Variants in NUP210L observed in about 807,000 individuals in gnomAD.
The protein encoded by NUP210L is nucleoporin 210 like, also known as nuclear pore membrane glycoprotein 210-like.
NUP210L carries 74 observed loss-of-function variants against 208.5 expected under a neutral mutation model. The ratio of observed to expected loss-of-function variants is 0.35; its 90% CI spans 0.29 to 0.43. The LOEUF (loss-of-function observed/expected upper bound fraction) is 0.43, where lower values mean the gene tolerates loss of function less well. Among genes scored for constraint, NUP210L ranks in the 20% least tolerant of loss-of-function variants. NUP210L has a pLI of 1.00. For synonymous variants in NUP210L, 780 were observed against 816.9 expected, an observed-to-expected ratio of 0.95 and a Z score of 0.77; for missense variants, 1,843 against 2,289.4, an observed-to-expected ratio of 0.81 and a Z score of 3.98.
At chr1:154,080,480 G>A (rs1444398277) in intron 16 of NUP210L, among the ~76,000 whole-genome samples, 2 of 151,858 alleles carry the variant, frequency 1.3e-5, no homozygotes, top group Non-Finnish European at 2.9e-5. Context: ...TCAGGAATTT[G>A]AGACCAGCCT....
At chr1:154,087,566 A>C (rs1655690913) in intron 16 of NUP210L, among the ~76,000 whole-genome samples, 1 of 152,176 alleles carries the variant, frequency 6.6e-6, no homozygotes, top group Non-Finnish European at 1.5e-5. Flanking sequence ...TTAACATACA[A>C]ACCACCAATT....
At position 154,001,888 on chromosome 1, in the gene NUP210L, C is replaced by G. The variant is rs745478617; in HGVS notation, c.5028G>C (p.Leu1676=). The change falls in exon 36 of 40, where the codon CTG becomes CTC. Residue 1676 remains leucine, a synonymous_variant. Transcript: ENST00000368559. ...TTCCATTCTTGCTACGTTCACTGAC[C>G]AGTGTAGCCCACCCATAGACTGAGG... is the stretch of plus-strand genomic sequence containing the variant. 3.1e-6 allele frequency: 5 copies of G among 1,614,076 alleles called. No homozygotes were observed. In the South Asian group the frequency reaches 5.5e-5, roughly 18 times the overall value.
intron 7 of NUP210L, among the ~76,000 whole-genome samples, chr1:154,135,427 T>C (rs1658483457): frequency 6.8e-6 from 1 of 147,840 alleles, no homozygotes; most frequent in Non-Finnish European, 1.5e-5. Context: ...ATTATAATCT[T>C]TTTTTTTTTT....
At chr1:154,081,997 T>C (rs1655358855) in intron 16 of NUP210L, among the ~76,000 whole-genome samples, 1 of 152,206 alleles carries the variant, frequency 6.6e-6, no homozygotes, top group East Asian at 1.9e-4. Flanking sequence ...CAAAAAACAT[T>C]GGACACCAAA....
At chr1:154,035,976 A>C (rs1393572939) in intron 27 of NUP210L, among the ~76,000 whole-genome samples, 1 of 147,834 alleles carries the variant, frequency 6.8e-6, no homozygotes, top group Non-Finnish European at 1.5e-5. Context: ...CTCGTGATCC[A>C]CCGGCCTCGG....
intron 16 of NUP210L, among the ~76,000 whole-genome samples, chr1:154,074,137 C>G (rs1654920414): frequency 6.6e-6 from 1 of 151,940 alleles, no homozygotes; most frequent in Admixed American, 6.6e-5. Context: ...AAGGTGGTGA[C>G]TGCCACTGGA....
intron 32 of NUP210L, among the ~76,000 whole-genome samples, chr1:154,019,934 C>T (rs1046974952): frequency 6.6e-6 from 1 of 151,524 alleles, no homozygotes; most frequent in Non-Finnish European, 1.5e-5. Context: ...CTCAAAAAAA[C>T]AAACAAACAA....
chr1:154,011,937 C>A (rs529909892), intron 34 of NUP210L, among the ~76,000 whole-genome samples: 2 of 151,560 alleles, frequency 1.3e-5, no homozygotes, highest in African/African-American at 4.8e-5. Flanking sequence ...CTTGAACTCC[C>A]GACCTCAGGT....
At chr1:154,059,326 C>A (rs1391366149) in intron 20 of NUP210L, among the ~76,000 whole-genome samples, 1 of 148,896 alleles carries the variant, frequency 6.7e-6, no homozygotes, top group South Asian at 2.1e-4. Context: ...CAGAGTGAGA[C>A]CTTGTCTCAA....
intron 34 of NUP210L, 88 bp from the exon 35 acceptor site, chr1:154,010,209 T>TA (rs1299186116): frequency 6.1e-5 from 77 of 1,264,172 alleles, no homozygotes; most frequent in Non-Finnish European, 7.5e-5. Flanking sequence ...TTTTGAAGCA[T>TA]AAAAAAAATA....
exon 19 of NUP210L, chr1:154,060,965 T>C (rs1460336805): frequency 1.2e-6 from 2 of 1,612,310 alleles, no homozygotes; most frequent in Non-Finnish European, 1.7e-6. Context: ...TGGTTATAGA[T>C]GGTGGCATTC....
intron 27 of NUP210L, among the ~76,000 whole-genome samples, chr1:154,032,123 C>T (rs1652262126): frequency 6.6e-6 from 1 of 152,170 alleles, no homozygotes; most frequent in South Asian, 2.1e-4. Context: ...ACTTAAGTTG[C>T]TTCCAAATCT....
rs567750714 is a variant in NUP210L at position 153,998,035 on chromosome 1, T to C, written c.5386+2821A>G. 3.3e-5 allele frequency among the ~76,000 whole-genome samples: 5 copies of C among 152,086 alleles called. No individual in the cohort carries two copies. In the East Asian group the frequency reaches 9.7e-4, roughly 29 times the overall value. ...TTACTGTAATTTTTAAGAGAAATATTTTTTAAATCTGGCAGTAGGAACATG... is the reference window on the plus strand; with the variant it reads ...TTACTGTAATTTTTAAGAGAAATATCTTTTAAATCTGGCAGTAGGAACATG... On this transcript the variant is annotated intron_variant, in intron 37 of 39. Coordinates refer to ENST00000368559, the Ensembl canonical transcript of NUP210L.
chr1:154,077,365 CA>C (rs999559317), intron 16 of NUP210L, among the ~76,000 whole-genome samples: 1 of 150,346 alleles, frequency 6.7e-6, no homozygotes, highest in Non-Finnish European at 1.5e-5. Context: ...TACTCTGTCT[CA>C]AAAAAATAAA....
intron 35 of NUP210L, among the ~76,000 whole-genome samples, chr1:154,004,932 C>T (rs912259159): frequency 1.4e-5 from 2 of 144,612 alleles, no homozygotes; most frequent in African/African-American, 2.5e-5. Flanking sequence ...TGGCTCACTG[C>T]AACCTCCACC....
At chr1:154,103,146 C>A (rs1014270048) in intron 13 of NUP210L, among the ~76,000 whole-genome samples, 7 of 152,044 alleles carry the variant, frequency 4.6e-5, no homozygotes, top group African/African-American at 1.7e-4. Context: ...GTAATCCCAG[C>A]ACTTTGGGAG....
exon 15 of NUP210L, chr1:154,094,947 A>G: frequency 6.2e-7 from 1 of 1,613,654 alleles, no homozygotes; most frequent in Non-Finnish European, 8.5e-7. Context: ...GTTCCCCTAA[A>G]TCCAGGCATT....
intron 17 of NUP210L, among the ~76,000 whole-genome samples, chr1:154,063,863 T>C (rs1360581595): frequency 6.6e-6 from 1 of 151,664 alleles, no homozygotes; most frequent in East Asian, 1.9e-4. Flanking sequence ...TAGAAGAAAG[T>C]GGTACAAAAG....
intron 23 of NUP210L, 93 bp from the exon 24 acceptor site, chr1:154,054,925 G>C: frequency 1.2e-6 from 1 of 820,708 alleles, no homozygotes; most frequent in South Asian, 1.5e-5. Context: ...TTTTTAGACA[G>C]AGTCTTGCTC....
Sources: allele counts gnomAD v4.1 joint callset (sites outside exome capture counted in the v4.1 genomes callset), GRCh38; gene constraint gnomAD v4.1.1; transcripts MANE v1.5; gene names NCBI Gene and HGNC (gene_info 2026-07-23, HGNC 2026-07-21).